KCNQ5: variants seen among roughly 807,000 people sequenced by gnomAD.
KCNQ5 encodes potassium voltage-gated channel subfamily KQT member 5.
Under a neutral mutation model 98.2 loss-of-function variants are expected in KCNQ5, and 30 were observed. The observed-to-expected ratio is 0.31, with a 90% CI of 0.23 to 0.41. The LOEUF (loss-of-function observed/expected upper bound fraction) is 0.41. Among genes scored for constraint, KCNQ5 ranks in the 10% least tolerant of loss-of-function variants. The pLI, the probability that KCNQ5 is intolerant of heterozygous loss-of-function variation, is 1.00. For missense variants in KCNQ5, 835 were observed against 1,182.5 expected, an observed-to-expected ratio of 0.71 and a Z score of 4.31; for synonymous variants, 458 against 449.4, an observed-to-expected ratio of 1.02 and a Z score of -0.24.
chr6:72,891,438 C>A (rs1234222887), intron 1 of KCNQ5, among the ~76,000 whole-genome samples: 1 of 152,134 alleles, frequency 6.6e-6, no homozygotes, highest in African/African-American at 2.4e-5. Flanking sequence ...AAGGATCCTT[C>A]ATACCCAGAT....
intron 1 of KCNQ5, among the ~76,000 whole-genome samples, chr6:72,903,408 G>C (rs2150196867): frequency 6.6e-6 from 1 of 152,150 alleles, no homozygotes; most frequent in Non-Finnish European, 1.5e-5. Flanking sequence ...CTAGTTCCTT[G>C]AGGTGTGACG....
At chr6:72,655,018 G>GTCGGTCTTTCTTTCCTTCTTTCTT (rs1554683229) in intron 1 of KCNQ5, among the ~76,000 whole-genome samples, 1 of 90,594 alleles carries the variant, frequency 1.1e-5, no homozygotes, top group East Asian at 4.1e-4. Context: ...AATAGCCAAG[G>GTCGGTCTTTCTTTCCTTCTTTCTT]TCTGTCTGTC....
At chr6:73,119,958 C>T (rs1266636337) in intron 7 of KCNQ5, among the ~76,000 whole-genome samples, 1 of 151,992 alleles carries the variant, frequency 6.6e-6, no homozygotes, top group Non-Finnish European at 1.5e-5. Context: ...GAAGCTCTGG[C>T]CAGGCACAGT....
At chr6:72,794,128 A>G (rs1236590091) in intron 1 of KCNQ5, among the ~76,000 whole-genome samples, 1 of 152,252 alleles carries the variant, frequency 6.6e-6, no homozygotes, top group Non-Finnish European at 1.5e-5. Context: ...ATTCACATGC[A>G]TATGAATGTC....
At chr6:72,765,503 G>A (rs1470581298) in intron 1 of KCNQ5, among the ~76,000 whole-genome samples, 1 of 152,008 alleles carries the variant, frequency 6.6e-6, no homozygotes, top group Non-Finnish European at 1.5e-5. Context: ...TCAAAAATAA[G>A]CCAACACTTT....
chr6:72,974,530 T>C, intron 1 of KCNQ5, among the ~76,000 whole-genome samples: 1 of 152,170 alleles, frequency 6.6e-6, no homozygotes, highest in East Asian at 1.9e-4. Context: ...TTTCTGACTC[T>C]TTGACAGCAT....
chr6:72,818,865 T>C (rs1247640338), intron 1 of KCNQ5, among the ~76,000 whole-genome samples: 1 of 151,596 alleles, frequency 6.6e-6, no homozygotes, highest in East Asian at 1.9e-4. Context: ...AAAGAATTAG[T>C]GTTTTTAATA....
At chr6:72,782,324 A>G (rs1016318308) in intron 1 of KCNQ5, among the ~76,000 whole-genome samples, 1 of 152,110 alleles carries the variant, frequency 6.6e-6, no homozygotes, top group Non-Finnish European at 1.5e-5. Context: ...TGACTTGAGC[A>G]GTTCTATGCA....
chr6:72,962,534 A>C (rs1767425849), intron 1 of KCNQ5, among the ~76,000 whole-genome samples: 1 of 152,178 alleles, frequency 6.6e-6, no homozygotes, highest in Non-Finnish European at 1.5e-5. Context: ...CACTAAGCTC[A>C]GAACAGAGAG....
chr6:72,895,214 A>G (rs59665349), intron 1 of KCNQ5, among the ~76,000 whole-genome samples: 39,797 of 149,502 alleles, frequency 0.27, 5,619 homozygotes, highest in East Asian at 0.48. Context: ...GCGTGAACCC[A>G]GGAGGCGGAG....
chr6:73,182,715 C>A (rs983721088), intron 11 of KCNQ5, among the ~76,000 whole-genome samples: 2 of 152,162 alleles, frequency 1.3e-5, no homozygotes, highest in South Asian at 2.1e-4. Context: ...TTGCTCCCTG[C>A]AAGTAACAAG....
chr6:72,891,473 C>G (rs1287354825), intron 1 of KCNQ5, among the ~76,000 whole-genome samples: 1 of 152,040 alleles, frequency 6.6e-6, no homozygotes, highest in African/African-American at 2.4e-5. Context: ...ATACTCTTAC[C>G]TGATTACTAT....
intron 3 of KCNQ5, among the ~76,000 whole-genome samples, chr6:73,075,861 T>C (rs1773516259): frequency 6.6e-6 from 1 of 152,028 alleles, no homozygotes; most frequent in Non-Finnish European, 1.5e-5. Context: ...CTGGGCAACA[T>C]AGCAATACCC....
At chr6:73,057,005 G>A (rs912100666) in intron 3 of KCNQ5, among the ~76,000 whole-genome samples, 1 of 152,098 alleles carries the variant, frequency 6.6e-6, no homozygotes, top group Non-Finnish European at 1.5e-5. Context: ...TATAAATCAT[G>A]CTGCTATAAA....
intron 3 of KCNQ5, among the ~76,000 whole-genome samples, chr6:73,044,473 T>C (rs76049502): frequency 0.02 from 3,025 of 152,310 alleles, 102 homozygotes; most frequent in African/African-American, 0.068. Context: ...TTATGAATTT[T>C]TTAGTCTTTT....
chr6:72,895,452 G>T (rs890362291), intron 1 of KCNQ5, among the ~76,000 whole-genome samples: 1 of 151,706 alleles, frequency 6.6e-6, no homozygotes, highest in African/African-American at 2.4e-5. Flanking sequence ...TGGAGAACAC[G>T]ATTTTTTAAA....
intron 1 of KCNQ5, among the ~76,000 whole-genome samples, chr6:72,839,082 T>C (rs941479420): frequency 6.6e-6 from 1 of 151,636 alleles, no homozygotes; most frequent in South Asian, 2.1e-4. Context: ...TATAAAATGA[T>C]TTTTTTCATG....
At chr6:72,961,819 G>A (rs1047581266) in intron 1 of KCNQ5, among the ~76,000 whole-genome samples, 4 of 151,954 alleles carry the variant, frequency 2.6e-5, no homozygotes, top group African/African-American at 9.7e-5. Context: ...AGAACAGAGA[G>A]ATTATATCTG....
intron 1 of KCNQ5, among the ~76,000 whole-genome samples, chr6:72,725,116 C>T (rs1211349313): frequency 2.0e-5 from 3 of 151,914 alleles, no homozygotes; most frequent in Non-Finnish European, 4.4e-5. Context: ...TGTTTTTCCC[C>T]AAAATGTGGT....
Sources: gnomAD v4.1 joint callset for allele counts (sites outside exome capture counted in the v4.1 genomes callset) on GRCh38, gnomAD v4.1.1 for gene constraint, MANE v1.5 for transcripts, NCBI Gene and HGNC (gene_info 2026-07-23, HGNC 2026-07-21) for gene names.